ZMYM4: variants seen among roughly 807,000 people sequenced by gnomAD.
ZMYM4 encodes zinc finger MYM-type containing 4.
ZMYM4 carries 31 observed loss-of-function variants against 183.2 expected under a neutral mutation model. The observed-to-expected ratio is 0.17, with a 90% CI of 0.13 to 0.23. The LOEUF (loss-of-function observed/expected upper bound fraction) is 0.23, where lower values mean the gene tolerates loss of function less well. Among genes scored for constraint, ZMYM4 ranks in the 10% least tolerant of loss-of-function variants. The pLI is 1.00. For missense variants in ZMYM4, 1,273 were observed against 1,840.3 expected, an observed-to-expected ratio of 0.69 and a Z score of 5.64; for synonymous variants, 592 against 631.2, an observed-to-expected ratio of 0.94 and a Z score of 0.93.
At chr1:35,347,395 T>G (rs1055949675) in intron 2 of ZMYM4, among the ~76,000 whole-genome samples, 3 of 152,232 alleles carry the variant, frequency 2.0e-5, no homozygotes, top group Non-Finnish European at 4.4e-5. Flanking sequence ...GTTAATGAAC[T>G]TATGAGAGTA....
intron 1 of ZMYM4, among the ~76,000 whole-genome samples, chr1:35,324,234 G>A (rs1156619407): frequency 6.6e-6 from 1 of 151,868 alleles, no homozygotes; most frequent in Non-Finnish European, 1.5e-5. Context: ...TAGACTTAGT[G>A]CTTCAATCCT....
intron 21 of ZMYM4, 78 bp from the exon 22 acceptor site, chr1:35,398,786 G>T: frequency 6.8e-7 from 1 of 1,468,930 alleles, no homozygotes; most frequent in Non-Finnish European, 9.3e-7. Flanking sequence ...TGGTATTTAG[G>T]GGTTCAGGAA....
intron 26 of ZMYM4, among the ~76,000 whole-genome samples, chr1:35,413,523 T>G (rs1639996379): frequency 1.3e-5 from 2 of 152,190 alleles, no homozygotes; most frequent in South Asian, 4.1e-4. Context: ...TTTCCTCAGG[T>G]CAACTGACAT....
Position 35,420,262 on chromosome 1 carries a change from G to A in ZMYM4, c.*585G>A, listed in dbSNP as rs1400500414. 6.4e-6 allele frequency: 1 copy of A among 156,190 alleles called. No individual in the cohort carries two copies. Among genetic ancestry groups the A allele is most frequent in the Non-Finnish European group, 1.4e-5 (1 of 70,178 alleles). The allele number at this position is 156,190 out of a possible 1,614,324, so 9.7% of individuals were successfully genotyped here. On this transcript the variant is annotated 3_prime_UTR_variant, in exon 30 of 30. Transcript: ENST00000314607. ...GTGAAGGACAGAAGCTTTTGCCATGGGCCCCTCACATCAGGGAAAATGACC... is the reference window on the plus strand; with the variant it reads ...GTGAAGGACAGAAGCTTTTGCCATGAGCCCCTCACATCAGGGAAAATGACC...
intron 1 of ZMYM4, among the ~76,000 whole-genome samples, chr1:35,305,287 T>C (rs1557959878): frequency 6.6e-6 from 1 of 152,260 alleles, no homozygotes; most frequent in African/African-American, 2.4e-5. Context: ...GACAGAACTA[T>C]AAATCTGCAG....
At chr1:35,284,355 A>G (rs1038737645) in intron 1 of ZMYM4, among the ~76,000 whole-genome samples, 29 of 152,212 alleles carry the variant, frequency 1.9e-4, no homozygotes, top group African/African-American at 6.8e-4. Flanking sequence ...TTAAGATGCT[A>G]TTGCTAGATC....
chr1:35,302,725 T>C (rs1211701052), intron 1 of ZMYM4, among the ~76,000 whole-genome samples: 1 of 151,916 alleles, frequency 6.6e-6, no homozygotes, highest in East Asian at 1.9e-4. Context: ...TCTTACTATG[T>C]TGCTAAGTTG....
intron 1 of ZMYM4, among the ~76,000 whole-genome samples, chr1:35,303,877 C>G (rs923166393): frequency 6.6e-6 from 1 of 152,004 alleles, no homozygotes; most frequent in Admixed American, 6.6e-5. Context: ...TAAGTTATAT[C>G]AATAACTTAT....
intron 1 of ZMYM4, among the ~76,000 whole-genome samples, chr1:35,288,628 G>T (rs910374669): frequency 3.3e-5 from 5 of 152,212 alleles, no homozygotes; most frequent in African/African-American, 1.2e-4. Flanking sequence ...AGTATAATAG[G>T]GAATTGCAGA....
chr1:35,350,880 T>C, intron 2 of ZMYM4: 1 of 606,742 alleles, frequency 1.6e-6, no homozygotes, highest in South Asian at 2.0e-5. Context: ...GGATGATAAT[T>C]TGTGTAACAG....
intron 1 of ZMYM4, among the ~76,000 whole-genome samples, chr1:35,316,773 T>C (rs1189826018): frequency 6.6e-6 from 1 of 152,192 alleles, no homozygotes; most frequent in Non-Finnish European, 1.5e-5. Flanking sequence ...CCAAAAATGG[T>C]GACAGGCAAG....
chr1:35,368,826 C>T (rs950489768), intron 5 of ZMYM4, among the ~76,000 whole-genome samples: 1 of 151,964 alleles, frequency 6.6e-6, no homozygotes, highest in African/African-American at 2.4e-5. Flanking sequence ...ATCTTGGTGC[C>T]ATTGGAGCCG....
At position 35,387,109 on chromosome 1, in the gene ZMYM4, G is replaced by T; in HGVS notation, c.1943G>T (p.Gly648Val). Residue 648 changes from glycine to valine, a missense_variant, in exon 12 of 30, where the codon GGT becomes GTT. Physicochemically the swap from Gly to Val is moderately radical, Grantham distance 109 (BLOSUM62 -3). Coordinates refer to ENST00000314607, the MANE Select transcript of ZMYM4 (RefSeq NM_005095.3). The stretch of plus-strand genomic sequence containing the variant: ...GGTTCCACAGTGTCAGCCGGAGGAG[G>T]TAGCACATCTGCTGTTTCTCCCACC... The part of the protein sequence containing the change: ...PTGSTVSAGG[G>V]STSAVSPTSI... 1 of 1,614,224 alleles carries T rather than the reference G, an allele frequency of 6.2e-7. No homozygotes were observed.
intron 1 of ZMYM4, among the ~76,000 whole-genome samples, chr1:35,299,985 C>T (rs186097140): frequency 7.6e-4 from 116 of 152,056 alleles, no homozygotes; most frequent in African/African-American, 1.9e-3. Flanking sequence ...TTAGTAGAGA[C>T]GGGTTTTCAC....
chr1:35,361,451 G>A (rs1643934393), intron 4 of ZMYM4, among the ~76,000 whole-genome samples, 168 bp from the exon 5 acceptor site: 1 of 151,826 alleles, frequency 6.6e-6, no homozygotes, highest in South Asian at 2.1e-4. Flanking sequence ...TTTGTATTTG[G>A]TATTTGGACA....
chr1:35,268,817 C>G lies in ZMYM4; in HGVS notation c.-230C>G, dbSNP rs940787841. The stretch of plus-strand genomic sequence containing the variant: ...CATTAACCCCCCGAGTCCCGGCCCC[C>G]ACCCCGTCCCCGGGCAGGCCCTCCC... On this transcript the variant is annotated 5_prime_UTR_variant, in exon 1 of 30. Transcript: ENST00000314607. 90 of 379,418 alleles carry G rather than the reference C, an allele frequency of 2.4e-4. No homozygotes were observed. In the East Asian group the frequency reaches 3.3e-3, roughly 14 times the overall value. The allele number at this position is 379,418 out of a possible 1,614,324, so 23.5% of individuals were successfully genotyped here. A position where few individuals can be genotyped will look rare whatever the true frequency, so the allele number is the denominator to read the frequency against.
At chr1:35,311,354 G>A (rs929235313) in intron 1 of ZMYM4, among the ~76,000 whole-genome samples, 2 of 151,560 alleles carry the variant, frequency 1.3e-5, no homozygotes, top group Non-Finnish European at 2.9e-5. Context: ...CTCAGGAGGC[G>A]GAGGTTTCAG....
chr1:35,416,775 G>A (rs972674271), intron 28 of ZMYM4, among the ~76,000 whole-genome samples: 1 of 152,142 alleles, frequency 6.6e-6, no homozygotes, highest in African/African-American at 2.4e-5. Context: ...TATTGGGCAA[G>A]CTGGTCTCGA....
rs539390798 is a variant in ZMYM4, at chr1:35,391,927, G to A, written c.2588-285G>A. On this transcript the variant is annotated intron_variant, in intron 15 of 29. Coordinates refer to ENST00000314607, the MANE Select transcript of ZMYM4 (RefSeq NM_005095.3). ...GTGGTGCTGCGCACCTGTAGTCCCA[G>A]CTACTTGGGAGGCTGAGGCAGGGGA... Among the ~76,000 whole-genome samples, 17 of 152,224 alleles carry A rather than the reference G, an allele frequency of 1.1e-4. No individual in the cohort carries two copies. In the South Asian group the frequency reaches 2.1e-3, roughly 19 times the overall value.
Sources: allele counts gnomAD v4.1 joint callset (sites outside exome capture counted in the v4.1 genomes callset), GRCh38; gene constraint gnomAD v4.1.1; transcripts MANE v1.5; gene names NCBI Gene and HGNC (gene_info 2026-07-23, HGNC 2026-07-21).